PIP4K2A: variants seen among roughly 807,000 people sequenced by gnomAD.
The protein encoded by PIP4K2A is phosphatidylinositol 5-phosphate 4-kinase type-2 alpha.
Under a neutral mutation model 42.9 loss-of-function variants are expected in PIP4K2A, and 14 were observed. That is an observed-to-expected ratio of 0.33 (90% CI 0.22 to 0.51). The LOEUF (loss-of-function observed/expected upper bound fraction) is 0.51. Ranked by LOEUF, PIP4K2A falls within the 20% of genes least tolerant of loss-of-function variation. The pLI, the probability that PIP4K2A is intolerant of heterozygous loss-of-function variation, is 0.97. For synonymous variants in PIP4K2A, 192 were observed against 192.2 expected, an observed-to-expected ratio of 1.00 and a Z score of 0.01; for missense variants, 434 against 519.8, an observed-to-expected ratio of 0.83 and a Z score of 1.61.
intron 1 of PIP4K2A, among the ~76,000 whole-genome samples, chr10:22,685,763 A>G (rs925346017): frequency 3.3e-5 from 5 of 152,028 alleles, no homozygotes; most frequent in Non-Finnish European, 5.9e-5. Context: ...GCGGCGGGGC[A>G]GGGAGGGAGA....
At chr10:22,568,912 C>G in intron 5 of PIP4K2A, 3 of 865,372 alleles carry the variant, frequency 3.5e-6, no homozygotes, top group Non-Finnish European at 5.5e-6. Flanking sequence ...ACACCCCTAA[C>G]TATCGTGAGG....
At chr10:22,598,326 C>A (rs764314055) in intron 3 of PIP4K2A, among the ~76,000 whole-genome samples, 3 of 152,120 alleles carry the variant, frequency 2.0e-5, no homozygotes, top group Non-Finnish European at 4.4e-5. Context: ...CCACTGCACT[C>A]CAGCCTAGTT....
intron 1 of PIP4K2A, among the ~76,000 whole-genome samples, chr10:22,697,710 G>A (rs1455467039): frequency 6.6e-6 from 1 of 150,922 alleles, no homozygotes. Flanking sequence ...TGGGTAACAG[G>A]GCAAAACTGC....
At chr10:22,628,917 G>C (rs972527241) in intron 1 of PIP4K2A, among the ~76,000 whole-genome samples, 3 of 152,294 alleles carry the variant, frequency 2.0e-5, no homozygotes, top group South Asian at 2.1e-4. Context: ...GAAAATGGTA[G>C]AATGAGGCAT....
intron 1 of PIP4K2A, among the ~76,000 whole-genome samples, chr10:22,629,110 T>G (rs1288443688): frequency 6.6e-6 from 1 of 152,218 alleles, no homozygotes; most frequent in African/African-American, 2.4e-5. Flanking sequence ...TCCACATGAT[T>G]TGTTGACAGC....
At position 22,651,989 on chromosome 10, in the gene PIP4K2A, A is replaced by C. The variant is rs1839005026; in HGVS notation, c.145-42272T>G. Among the ~76,000 whole-genome samples the C allele has an allele frequency of 1.3e-5, 2 of 152,238 alleles. 1 individual carries two copies. Among genetic ancestry groups the C allele is most frequent in the Non-Finnish European group, 2.9e-5 (2 of 68,046 alleles). ...AGCCACTATTAATACTCACTAGTAC[A>C]TTTAATGCCTTGCTATCTAAATCAG... On this transcript the variant is annotated intron_variant, in intron 1 of 9. Transcript: ENST00000376573.
intron 3 of PIP4K2A, among the ~76,000 whole-genome samples, chr10:22,595,720 G>A (rs759731464): frequency 6.6e-6 from 1 of 152,066 alleles, no homozygotes; most frequent in Non-Finnish European, 1.5e-5. Context: ...TCACACCACC[G>A]CACTCCAACC....
chr10:22,596,022 A>G (rs551656572), intron 3 of PIP4K2A, among the ~76,000 whole-genome samples: 5 of 151,566 alleles, frequency 3.3e-5, no homozygotes, highest in African/African-American at 9.7e-5. Flanking sequence ...CCTGACCAAC[A>G]TGGAGAAGCC....
intron 1 of PIP4K2A, among the ~76,000 whole-genome samples, chr10:22,690,700 T>C (rs1245711142): frequency 1.3e-5 from 2 of 152,220 alleles, no homozygotes; most frequent in African/African-American, 4.8e-5. Context: ...CTTAATAGCA[T>C]GGTAAGAAAT....
intron 1 of PIP4K2A, among the ~76,000 whole-genome samples, chr10:22,634,323 T>C (rs1251182031): frequency 1.3e-5 from 2 of 152,240 alleles, no homozygotes; most frequent in South Asian, 2.1e-4. Flanking sequence ...CTTGCTCTGG[T>C]GTATCACCTT....
chr10:22,657,206 G>GC (rs1435375339), intron 1 of PIP4K2A, among the ~76,000 whole-genome samples: 1 of 152,172 alleles, frequency 6.6e-6, no homozygotes, highest in Non-Finnish European at 1.5e-5. Context: ...AGCACCAACC[G>GC]CCCCAGACAG....
At chr10:22,582,049 C>T (rs1284245429) in intron 4 of PIP4K2A, among the ~76,000 whole-genome samples, 2 of 151,838 alleles carry the variant, frequency 1.3e-5, no homozygotes, top group Non-Finnish European at 2.9e-5. Flanking sequence ...CTGCAGTGAG[C>T]TGTGTTTGCG....
intron 1 of PIP4K2A, among the ~76,000 whole-genome samples, chr10:22,685,612 G>A (rs1424180265): frequency 6.6e-6 from 1 of 152,090 alleles, no homozygotes; most frequent in Non-Finnish European, 1.5e-5. Flanking sequence ...TACCCAGGGG[G>A]GCTAAGGCTG....
chr10:22,712,908 T>C (rs1161876500), intron 1 of PIP4K2A, among the ~76,000 whole-genome samples: 1 of 141,346 alleles, frequency 7.1e-6, no homozygotes, highest in African/African-American at 3.1e-5. Flanking sequence ...CTTCACTACA[T>C]TGAGGGTGTG....
At chr10:22,582,376 C>A (rs1837299396) in intron 4 of PIP4K2A, among the ~76,000 whole-genome samples, 4 of 151,106 alleles carry the variant, frequency 2.6e-5, no homozygotes, top group Admixed American at 2.0e-4. Flanking sequence ...GAATGAAATG[C>A]CATTAAGAGA....
chr10:22,629,007 C>T lies in PIP4K2A; in HGVS notation c.145-19290G>A, dbSNP rs530069493. The stretch of plus-strand genomic sequence containing the variant: ...ACACCCTTGGCCTACAGGAGGGGTC[C>T]GTTCAGATGGTTTGGGGACCTCAGA... On this transcript the variant is annotated intron_variant, in intron 1 of 9. Coordinates refer to ENST00000376573, the MANE Select transcript of PIP4K2A (RefSeq NM_005028.5). Among the ~76,000 whole-genome samples the T allele has an allele frequency of 2.8e-4, 42 of 152,196 alleles. 1 individual carries two copies. The South Asian group carries it at 8.1e-3, about 29-fold the overall frequency.
chr10:22,618,002 T>C (rs571968410), intron 1 of PIP4K2A, among the ~76,000 whole-genome samples: 2 of 152,214 alleles, frequency 1.3e-5, no homozygotes, highest in Admixed American at 1.3e-4. Flanking sequence ...GTGTAACGCA[T>C]AACTTGATAT....
At chr10:22,689,569 G>C (rs995247474) in intron 1 of PIP4K2A, among the ~76,000 whole-genome samples, 1 of 152,156 alleles carries the variant, frequency 6.6e-6, no homozygotes, top group Non-Finnish European at 1.5e-5. Flanking sequence ...GATGTGCACA[G>C]TATAAATGCA....
At chr10:22,559,416 A>G (rs1319525627) in intron 6 of PIP4K2A, among the ~76,000 whole-genome samples, 1 of 152,180 alleles carries the variant, frequency 6.6e-6, no homozygotes, top group African/African-American at 2.4e-5. Context: ...TCTGAGGCAA[A>G]TGAGAGCTGA....
Sources: gnomAD v4.1 joint callset for allele counts (sites outside exome capture counted in the v4.1 genomes callset) on GRCh38, gnomAD v4.1.1 for gene constraint, MANE v1.5 for transcripts, NCBI Gene and HGNC (gene_info 2026-07-23, HGNC 2026-07-21) for gene names.